PER3: variants seen among roughly 807,000 people sequenced by gnomAD.
PER3 encodes period circadian regulator 3.
PER3 carries 107 observed loss-of-function variants against 127.2 expected under a neutral mutation model. The observed-to-expected ratio is 0.84, with a 90% CI of 0.72 to 0.99. PER3 has a LOEUF of 0.99. Ranked by LOEUF, PER3 falls within the 50% of genes least tolerant of loss-of-function variation. PER3 has a pLI of 0.00. For missense variants in PER3, 1,560 were observed against 1,525.8 expected (o/e 1.02, Z -0.37); for synonymous variants, 618 against 585.8 (o/e 1.05, Z -0.79).
chr1:7,809,029 C>A (rs753139611), intron 11 of PER3, 31 bp downstream of exon 11: 2 of 1,058,892 alleles, frequency 1.9e-6, no homozygotes, highest in South Asian at 2.7e-5. Context: ...ATGCAAAGTT[C>A]CCTGAATTGT....
intron 10 of PER3, among the ~76,000 whole-genome samples, chr1:7,806,585 C>G (rs1325984332): frequency 6.6e-6 from 1 of 151,654 alleles, no homozygotes; most frequent in Non-Finnish European, 1.5e-5. Flanking sequence ...GCCAGGAGTT[C>G]AAGACTGGCC....
Position 7,842,522 on chromosome 1 carries a change from A to G in PER3, c.3550-150A>G, listed in dbSNP as rs935544179. 5 of 703,270 alleles carry G rather than the reference A, an allele frequency of 7.1e-6. 1 individual carries two copies. In the African/African-American group the frequency reaches 9.4e-5, roughly 13 times the overall value. 43.6% of individuals were successfully genotyped at this position (703,270 alleles called of 1,614,324 possible). A position where few individuals can be genotyped will look rare whatever the true frequency, so the allele number is the denominator to read the frequency against. ...CTCAAAAAAAAAAATAAAAATAGTT[A>G]TAATAATAATAAAGAATGAACTATA... On this transcript the variant is annotated intron_variant, in intron 21 of 21. Coordinates refer to ENST00000377532, the MANE Select transcript of PER3 (RefSeq NM_001377275.1).
In PER3 at chr1:7,820,544, C is replaced by G. The variant is rs776724752; in HGVS notation, c.1861C>G (p.Pro621Ala). Residue 621 changes from proline (P) to alanine (A), a missense_variant, in exon 16 of 22, where the codon CCA becomes GCA. This residue lies in a region of PER3 where 1,332 missense variants were observed against 1,223.6 expected (regional missense o/e 1.09). Transcript: ENST00000377532. Reference protein sequence around the residue: ...GRSIDTGGGAPQILSTAMLSL... With the variant: ...GRSIDTGGGAAQILSTAMLSL... ...GTCCATAGACACAGGAGGAGGAGCTCCACAGATCCTGTCCACGGCGATGCT... is the reference window on the plus strand; with the variant it reads ...GTCCATAGACACAGGAGGAGGAGCTGCACAGATCCTGTCCACGGCGATGCT... 1.1e-5 allele frequency: 17 copies of G among 1,614,074 alleles called. No homozygotes were observed. In the South Asian group the frequency reaches 1.8e-4, roughly 17 times the overall value.
At chr1:7,795,101 G>C (rs72855205) in intron 6 of PER3, among the ~76,000 whole-genome samples, 59 of 152,254 alleles carry the variant, frequency 3.9e-4, no homozygotes, top group East Asian at 1.9e-4. Flanking sequence ...GGATGCTTGG[G>C]GGGGACGGCC....
intron 21 of PER3, among the ~76,000 whole-genome samples, chr1:7,837,970 C>T (rs186877385): frequency 6.6e-6 from 1 of 152,196 alleles, no homozygotes; most frequent in Non-Finnish European, 1.5e-5. Flanking sequence ...GAGGTTGAGG[C>T]AGGAGGATTG....
Position 7,842,806 on chromosome 1 carries a change from C to T in PER3, c.*51C>T. ...CCCTTTCCAAGACGTGTTACACAGA[C>T]AGACCTTTTTAAGTCCTGGACTTTT... On this transcript the variant is annotated 3_prime_UTR_variant, in exon 22 of 22. Transcript: ENST00000377532. The T allele has an allele frequency of 6.5e-7, 1 of 1,529,406 alleles. No homozygotes were observed. The highest frequency in any genetic ancestry group is 9.0e-7 in the Non-Finnish European group (1 of 1,115,122). The allele number at this position is 1,529,406 out of a possible 1,614,324, so 94.7% of individuals were successfully genotyped here.
At chr1:7,795,792 A>G (rs1375800711) in intron 6 of PER3, among the ~76,000 whole-genome samples, 1 of 152,258 alleles carries the variant, frequency 6.6e-6, no homozygotes, top group Non-Finnish European at 1.5e-5. Flanking sequence ...ATAACACAAA[A>G]GAAGAGAAGA....
In PER3 at chr1:7,803,637, T is replaced by C; in HGVS notation, c.980-55T>C. On this transcript the variant is annotated intron_variant, in intron 9 of 21. Coordinates refer to ENST00000377532, the MANE Select transcript of PER3 (RefSeq NM_001377275.1). ...AAATAAATGGCTTAAAAAGGACATT[T>C]GTAATCAGTATCTGTGTTAAGTAAA... is the stretch of plus-strand genomic sequence containing the variant. 6.2e-6 allele frequency: 7 copies of C among 1,122,532 alleles called. No individual in the cohort carries two copies. The South Asian group carries it at 1.0e-4, about 16-fold the overall frequency. The allele number at this position is 1,122,532 out of a possible 1,614,324, so 69.5% of individuals were successfully genotyped here.
chr1:7,831,574 A>G lies in PER3; in HGVS notation c.3214+1413A>G, dbSNP rs138123205. Among the ~76,000 whole-genome samples the G allele has an allele frequency of 4.9e-4, 75 of 152,314 alleles. No homozygotes were observed. In the East Asian group the frequency reaches 8.3e-3, roughly 17 times the overall value. On this transcript the variant is annotated intron_variant, in intron 19 of 21. Transcript: ENST00000377532. ...TTCACCATTAAGTACGATGTTAAGT[A>G]TAAGTTTTCCTTGAATGCCCTTATC...
At chr1:7,802,996 A>T in intron 8 of PER3, 51 bp from the exon 9 acceptor site, 2 of 935,080 alleles carry the variant, frequency 2.1e-6, no homozygotes, top group Non-Finnish European at 3.6e-6. Context: ...TTAAAAGTGT[A>T]TAAGAATTAC....
intron 21 of PER3, 104 bp downstream of exon 21, chr1:7,837,253 TCACA>T: frequency 1.1e-6 from 1 of 893,772 alleles, no homozygotes; most frequent in African/African-American, 1.7e-5. Flanking sequence ...ACTTTAATCC[TCACA>T]GTTTACCTCT....
chr1:7,793,990 C>CT lies in PER3; in HGVS notation c.632dup (p.Cys212LeufsTer7), dbSNP rs1558391442. ...CGGTATGAATGTGCTCCGGTGAAACCTTTTTTCTGCAGGATCCGGTAAGTA... is the reference window on the plus strand; with the variant it reads ...CGGTATGAATGTGCTCCGGTGAAACCTTTTTTTCTGCAGGATCCGGTAAGTA... On this transcript the variant is annotated frameshift_variant, in exon 6 of 22. Coordinates refer to ENST00000377532, the MANE Select transcript of PER3 (RefSeq NM_001377275.1). LOFTEE classifies it high-confidence loss of function. The CT allele has an allele frequency of 1.9e-6, 3 of 1,613,588 alleles. No individual in the cohort carries two copies. Among genetic ancestry groups the CT allele is most frequent in the Admixed American group, 3.3e-5 (2 of 59,990 alleles).
Position 7,829,982 on chromosome 1 carries a change from CTA to C in PER3, c.3036_3037del (p.Thr1013CysfsTer69), listed in dbSNP as rs2097322987. ...CCTCCCATGAAGAATCCATCCCATC[CTA>C]CTGCCAGCGCTCTGTCCACAGGATC... On this transcript the variant is annotated frameshift_variant, in exon 19 of 22. Transcript: ENST00000377532. LOFTEE classifies it high-confidence loss of function. 7.3e-7 allele frequency: 1 copy of C among 1,364,842 alleles called. No individual in the cohort carries two copies. Among genetic ancestry groups the C allele is most frequent in the South Asian group, 1.2e-5 (1 of 83,712 alleles). The allele number at this position is 1,364,842 out of a possible 1,614,324, so 84.5% of individuals were successfully genotyped here.
Position 7,822,479 on chromosome 1 carries a change from C to T in PER3, c.1957+1839C>T, listed in dbSNP as rs149096753. ...TGTTGGCCAGGCTGGTCTCGAACTC[C>T]GGACCTCAGGTGATCCGCCCACCTT... On this transcript the variant is annotated intron_variant, in intron 16 of 21. Coordinates refer to ENST00000377532, the MANE Select transcript of PER3 (RefSeq NM_001377275.1). Among the ~76,000 whole-genome samples the T allele has an allele frequency of 8.5e-3, 1,296 of 152,128 alleles. 14 individuals are homozygous for T. Among genetic ancestry groups the T allele is most frequent in the African/African-American group, 0.029 (1,198 of 41,506 alleles).
chr1:7,796,760 A>G (rs955471568), intron 6 of PER3, among the ~76,000 whole-genome samples: 4 of 152,138 alleles, frequency 2.6e-5, no homozygotes, highest in African/African-American at 9.7e-5. Flanking sequence ...AGGTATAAAT[A>G]TTTGTATATT....
At position 7,829,895 on chromosome 1, in the gene PER3, C is replaced by T. The variant is rs145881226; in HGVS notation, c.2948C>T (p.Thr983Met). ...SSPATTGALSTGSPPRENPSH... is the reference protein window; with the variant it reads ...SSPATTGALSMGSPPRENPSH... Reference sequence around the variant, plus strand: ...CCTGCTACTACCGGTGCACTGTCCACGGGGTCACCTCCCAGGGAGAATCCA... The same window carrying T: ...CCTGCTACTACCGGTGCACTGTCCATGGGGTCACCTCCCAGGGAGAATCCA... The change falls in exon 19 of 22, where the codon ACG becomes ATG. Residue 983 changes from threonine (T) to methionine (M), a missense_variant. By Grantham distance (81) the Thr-to-Met change is moderately conservative. Around this residue, in one of 3 missense-constraint regions of PER3, gnomAD observed 29 missense variants for 103.6 expected, o/e 0.28. Transcript: ENST00000377532. 34 of 1,613,878 alleles carry T rather than the reference C, an allele frequency of 2.1e-5. No individual in the cohort carries two copies. The South Asian group carries it at 3.0e-4, about 14-fold the overall frequency.
intron 13 of PER3, among the ~76,000 whole-genome samples, chr1:7,813,811 C>A (rs1422910305): frequency 1.3e-5 from 2 of 151,770 alleles, no homozygotes; most frequent in African/African-American, 4.8e-5. Context: ...ATATGATGGG[C>A]AAGAAGGGAA....
Position 7,784,960 on chromosome 1 carries a change from G to T in PER3, c.83G>T (p.Ser28Ile). 1 of 1,550,188 alleles carries T rather than the reference G, an allele frequency of 6.5e-7. No homozygotes were observed. Among genetic ancestry groups the T allele is most frequent in the Non-Finnish European group, 8.6e-7 (1 of 1,158,304 alleles). Residue 28 changes from serine (S) to isoleucine (I), a missense_variant, in exon 2 of 22, where the codon AGC becomes ATC. Physicochemically the swap from Ser to Ile is moderately radical, Grantham distance 142. Transcript: ENST00000377532. ...GGCGAAGAATCGGGGGAGCGGTGGA[G>T]CCCCGAGTTCCATCTGCAGAGGAAA... ...ALGEESGERW[S>I]PEFHLQRKLA...
chr1:7,818,446 ACTT>A (rs958863455), intron 13 of PER3, among the ~76,000 whole-genome samples: 6 of 152,186 alleles, frequency 3.9e-5, no homozygotes, highest in Admixed American at 3.9e-4. Context: ...CTTCTACAAA[ACTT>A]CTCAGTAGTA....
Sources: gnomAD v4.1 joint callset for allele counts (sites outside exome capture counted in the v4.1 genomes callset) on GRCh38, gnomAD v4.1.1 for gene constraint, gnomAD v4.1.1 regional missense constraint, MANE v1.5 for transcripts, NCBI Gene and HGNC (gene_info 2026-07-23, HGNC 2026-07-21) for gene names.